RARB: variants seen among roughly 807,000 people sequenced by gnomAD.
RARB encodes HBV-activated protein.
A neutral mutation model predicts 51.9 loss-of-function variants in RARB; 17 were observed. The ratio of observed to expected loss-of-function variants is 0.33; its 90% CI spans 0.22 to 0.49. The LOEUF (loss-of-function observed/expected upper bound fraction) is 0.49, where lower values mean the gene tolerates loss of function less well. RARB is among the 20% of genes least tolerant of loss of function. The pLI is 0.99. For missense variants in RARB, 369 were observed against 550.8 expected, an observed-to-expected ratio of 0.67 and a Z score of 3.30; for synonymous variants, 215 against 195.4, an observed-to-expected ratio of 1.10 and a Z score of -0.84.
chr3:25,248,734 C>T (rs773224890), intron 5 of RARB, among the ~76,000 whole-genome samples: 16 of 152,046 alleles, frequency 1.1e-4, no homozygotes, highest in Non-Finnish European at 2.4e-4. Context: ...GCAATTTTTT[C>T]TTTCAGTATT....
chr3:25,512,174 C>G (rs1483569481), intron 3 of RARB, among the ~76,000 whole-genome samples: 1 of 152,192 alleles, frequency 6.6e-6, no homozygotes, highest in African/African-American at 2.4e-5. Context: ...GCTCCTGTTA[C>G]TGTTCCGGTA....
intron 5 of RARB, among the ~76,000 whole-genome samples, chr3:25,328,773 G>GC (rs1704802275): frequency 6.6e-6 from 1 of 152,182 alleles, no homozygotes. Flanking sequence ...CCCTTTCCTA[G>GC]CCAAGGGAAG....
chr3:24,873,702 A>T (rs1243033183), intron 2 of RARB, among the ~76,000 whole-genome samples: 1 of 151,790 alleles, frequency 6.6e-6, no homozygotes, highest in Non-Finnish European at 1.5e-5. Context: ...TTACAGCTAT[A>T]AATTTTCCCC....
At chr3:25,081,131 A>G (rs1286835547) in intron 3 of RARB, among the ~76,000 whole-genome samples, 1 of 152,136 alleles carries the variant, frequency 6.6e-6, no homozygotes, top group Non-Finnish European at 1.5e-5. Flanking sequence ...GCATCTCACA[A>G]GATTGGGTAC....
chr3:25,045,336 C>T (rs1356438423), intron 2 of RARB, among the ~76,000 whole-genome samples: 1 of 152,150 alleles, frequency 6.6e-6, no homozygotes, highest in African/African-American at 2.4e-5. Flanking sequence ...TTGAGGAAGA[C>T]TGGGGTTCTG....
At chr3:25,294,363 A>T (rs1681551) in intron 5 of RARB, among the ~76,000 whole-genome samples, 10 of 152,004 alleles carry the variant, frequency 6.6e-5, no homozygotes, top group African/African-American at 2.4e-4. Flanking sequence ...AAGTCCTGGT[A>T]GTGAATTCAT....
At chr3:25,073,502 T>C (rs1442917563) in intron 3 of RARB, among the ~76,000 whole-genome samples, 1 of 152,216 alleles carries the variant, frequency 6.6e-6, no homozygotes, top group African/African-American at 2.4e-5. Flanking sequence ...AAACAGTTAG[T>C]TAGGTTTCTT....
chr3:24,917,541 T>C (rs1269910214), intron 2 of RARB, among the ~76,000 whole-genome samples: 2 of 152,216 alleles, frequency 1.3e-5, no homozygotes, highest in Non-Finnish European at 2.9e-5. Context: ...CTCAATGTCA[T>C]TAGTCTTGAG....
intron 5 of RARB, among the ~76,000 whole-genome samples, chr3:25,206,669 G>A (rs1019088826): frequency 2.0e-5 from 3 of 152,158 alleles, no homozygotes; most frequent in Admixed American, 2.0e-4. Context: ...AAATACAGTA[G>A]CTCAATGAAA....
intron 5 of RARB, among the ~76,000 whole-genome samples, chr3:25,374,613 C>G (rs1413672065): frequency 1.3e-5 from 2 of 152,044 alleles, no homozygotes; most frequent in Non-Finnish European, 2.9e-5. Context: ...TCTCAAGTCT[C>G]AATCTCCTTT....
intron 5 of RARB, among the ~76,000 whole-genome samples, chr3:25,586,396 G>A (rs532722011): frequency 3.7e-4 from 57 of 152,122 alleles, no homozygotes; most frequent in Admixed American, 7.2e-4. Flanking sequence ...AGGGTTGGTC[G>A]CCGTGGCAGG....
At chr3:25,015,148 T>C (rs1697481340) in intron 2 of RARB, among the ~76,000 whole-genome samples, 1 of 152,164 alleles carries the variant, frequency 6.6e-6, no homozygotes, top group Non-Finnish European at 1.5e-5. Flanking sequence ...TGCTGAAGAA[T>C]TGAGGTTCTG....
At chr3:24,944,175 G>A (rs1695726716) in intron 2 of RARB, among the ~76,000 whole-genome samples, 1 of 152,172 alleles carries the variant, frequency 6.6e-6, no homozygotes, top group African/African-American at 2.4e-5. Flanking sequence ...GCCCATGGCA[G>A]ACCTCACTTA....
At chr3:24,994,555 C>A (rs893325393) in intron 2 of RARB, among the ~76,000 whole-genome samples, 18 of 152,168 alleles carry the variant, frequency 1.2e-4, no homozygotes, top group African/African-American at 4.3e-4. Flanking sequence ...AGGTCTTACT[C>A]ATAAAATCAT....
chr3:25,385,495 C>T (rs974008445), intron 5 of RARB, among the ~76,000 whole-genome samples: 1 of 152,126 alleles, frequency 6.6e-6, no homozygotes, highest in Non-Finnish European at 1.5e-5. Context: ...GAAAAGGTGA[C>T]ATTTCTCCTT....
chr3:25,065,276 C>T (rs1390869430), intron 3 of RARB, among the ~76,000 whole-genome samples: 1 of 152,106 alleles, frequency 6.6e-6, no homozygotes, highest in Non-Finnish European at 1.5e-5. Flanking sequence ...GAAGAAATAT[C>T]ACTATGTCAC....
chr3:25,181,993 C>A (rs1404872410), intron 5 of RARB, among the ~76,000 whole-genome samples: 3 of 152,116 alleles, frequency 2.0e-5, no homozygotes, highest in Admixed American at 6.5e-5. Flanking sequence ...TTGAAATAAC[C>A]ATTACTTTAT....
At chr3:25,558,933 C>T (rs1700163839) in intron 3 of RARB, among the ~76,000 whole-genome samples, 1 of 152,106 alleles carries the variant, frequency 6.6e-6, no homozygotes, top group African/African-American at 2.4e-5. Flanking sequence ...TCTTTGTCCT[C>T]ATTATTTCTC....
intron 2 of RARB, among the ~76,000 whole-genome samples, chr3:25,002,904 C>A (rs1285091705): frequency 1.3e-5 from 2 of 152,044 alleles, no homozygotes; most frequent in African/African-American, 4.8e-5. Context: ...AGAAAAGCAT[C>A]TGGTTCCTGG....
Sources: gnomAD v4.1 joint callset for allele counts (sites outside exome capture counted in the v4.1 genomes callset) on GRCh38, gnomAD v4.1.1 for gene constraint, MANE v1.5 for transcripts, NCBI Gene and HGNC (gene_info 2026-07-23, HGNC 2026-07-21) for gene names.